The following PPARGC1A variants were observed in gnomAD, a reference collection of about 807,000 sequenced individuals.
PPARGC1A encodes the protein PPARG coactivator 1 alpha, also known as peroxisome proliferator-activated receptor gamma coactivator 1-alpha.
In PPARGC1A, 25 loss-of-function variants were observed where a neutral mutation model predicts 88.7. That is an observed-to-expected ratio of 0.28 (90% CI 0.21 to 0.39). The LOEUF (loss-of-function observed/expected upper bound fraction) is 0.39, where lower values mean the gene tolerates loss of function less well. Among genes scored for constraint, PPARGC1A ranks in the 10% least tolerant of loss-of-function variants. The pLI, the probability that PPARGC1A is intolerant of heterozygous loss-of-function variation, is 1.00. For synonymous variants in PPARGC1A, 363 were observed against 355.6 expected (o/e 1.02, Z -0.24); for missense variants, 880 against 968.7 (o/e 0.91, Z 1.22).
At chr4:23,906,420 C>T (rs78467239), upstream of PPARGC1A, among the ~76,000 whole-genome samples, 699 of 151,752 alleles carry the variant, frequency 4.6e-3, 38 homozygotes, top group East Asian at 0.098. Flanking sequence ...CAAGACCAGC[C>T]GGGCCAACAG....
the PPARGC1A span, among the ~76,000 whole-genome samples, chr4:23,918,406 G>C: frequency 6.6e-6 from 1 of 151,912 alleles, no homozygotes; most frequent in Non-Finnish European, 1.5e-5. Context: ...ATTTTTAGTA[G>C]AGACGGGGTT....
At chr4:24,227,153 C>T in the PPARGC1A span, among the ~76,000 whole-genome samples, 2 of 151,582 alleles carry the variant, frequency 1.3e-5, no homozygotes, top group African/African-American at 4.9e-5. Context: ...GGTGCGATCT[C>T]GGCTCACTGC....
chr4:24,091,415 C>T, the PPARGC1A span: 4 of 979,688 alleles, frequency 4.1e-6, no homozygotes, highest in Non-Finnish European at 3.6e-6. Context: ...GACTTGGAGC[C>T]AAAAGAGTTG....
the PPARGC1A span, among the ~76,000 whole-genome samples, chr4:24,265,780 T>A: frequency 2.7e-4 from 41 of 151,670 alleles, no homozygotes; most frequent in East Asian, 6.8e-3. Context: ...GTTCCTCACG[T>A]GCTTAGAATT....
intron 7 of PPARGC1A, among the ~76,000 whole-genome samples, chr4:23,818,839 C>CT (rs762478316): frequency 0.011 from 528 of 49,034 alleles, 59 homozygotes; most frequent in Middle Eastern, 0.018. Flanking sequence ...CCAATGGCAT[C>CT]TTTTTTTTTT....
the PPARGC1A span, among the ~76,000 whole-genome samples, chr4:24,428,506 C>T: frequency 6.6e-6 from 1 of 152,256 alleles, no homozygotes; most frequent in East Asian, 1.9e-4. Context: ...TTATACCTTA[C>T]TCTACACAGA....
At chr4:23,962,750 T>A in the PPARGC1A span, among the ~76,000 whole-genome samples, 1 of 152,118 alleles carries the variant, frequency 6.6e-6, no homozygotes, top group African/African-American at 2.4e-5. Flanking sequence ...GTAGGGAAGG[T>A]GATAAATGCA....
At chr4:24,429,020 C>T in the PPARGC1A span, among the ~76,000 whole-genome samples, 1 of 152,124 alleles carries the variant, frequency 6.6e-6, no homozygotes, top group East Asian at 1.9e-4. Flanking sequence ...TGACAAAATA[C>T]ATGTGAAATT....
the PPARGC1A span, among the ~76,000 whole-genome samples, chr4:24,457,646 G>C: frequency 1.3e-5 from 2 of 152,088 alleles, no homozygotes; most frequent in Non-Finnish European, 2.9e-5. Context: ...CCAGGTTCAC[G>C]CCATTCTCCT....
chr4:24,079,690 C>G, the PPARGC1A span, among the ~76,000 whole-genome samples: 1 of 151,960 alleles, frequency 6.6e-6, no homozygotes, highest in East Asian at 1.9e-4. Flanking sequence ...TTACCCTACA[C>G]TTTCTCCTCT....
the PPARGC1A span, among the ~76,000 whole-genome samples, chr4:24,375,071 T>C: frequency 1.3e-4 from 20 of 150,400 alleles, no homozygotes; most frequent in Non-Finnish European, 2.2e-4. Flanking sequence ...TTGGGATACG[T>C]GGGGACTTTC....
the PPARGC1A span, among the ~76,000 whole-genome samples, chr4:24,163,542 GC>G: frequency 6.6e-6 from 1 of 152,090 alleles, no homozygotes. Flanking sequence ...AGAAGCAGTT[GC>G]CCCATACTCA....
chr4:24,033,332 T>G, the PPARGC1A span, among the ~76,000 whole-genome samples: 1 of 152,124 alleles, frequency 6.6e-6, no homozygotes, highest in African/African-American at 2.4e-5. Flanking sequence ...GTATAATAGC[T>G]TATATTTATT....
At chr4:24,186,919 T>C in the PPARGC1A span, among the ~76,000 whole-genome samples, 1 of 152,236 alleles carries the variant, frequency 6.6e-6, no homozygotes, top group Non-Finnish European at 1.5e-5. Context: ...TCAGCAGCAG[T>C]TTCCAGATGA....
the PPARGC1A span, among the ~76,000 whole-genome samples, chr4:24,282,653 G>A: frequency 4.7e-4 from 72 of 152,338 alleles, no homozygotes; most frequent in African/African-American, 1.5e-3. Context: ...GCCTAGTGGC[G>A]TTGATGACAT....
the PPARGC1A span, among the ~76,000 whole-genome samples, chr4:24,293,796 T>C: frequency 2.0e-5 from 3 of 151,808 alleles, no homozygotes; most frequent in African/African-American, 4.8e-5. Flanking sequence ...TCAACCTAAA[T>C]TGTTTTCTCA....
At chr4:24,182,109 C>T in the PPARGC1A span, among the ~76,000 whole-genome samples, 2 of 152,008 alleles carry the variant, frequency 1.3e-5, no homozygotes, top group African/African-American at 2.4e-5. Context: ...TTTTAAGTCC[C>T]GCATGCATTA....
chr4:24,427,842 G>T, the PPARGC1A span, among the ~76,000 whole-genome samples: 1 of 152,124 alleles, frequency 6.6e-6, no homozygotes, highest in Admixed American at 6.5e-5. Context: ...CAGGTGCACT[G>T]GCTCACACCT....
chr4:23,804,425 T>C (rs1407322799), intron 10 of PPARGC1A, among the ~76,000 whole-genome samples: 3 of 152,242 alleles, frequency 2.0e-5, no homozygotes, highest in South Asian at 2.1e-4. Flanking sequence ...CAGCTTCTCT[T>C]TCTGGACTAG....
Sources: allele counts gnomAD v4.1 joint callset (sites outside exome capture counted in the v4.1 genomes callset), GRCh38; gene constraint gnomAD v4.1.1; transcripts MANE v1.5; gene names NCBI Gene and HGNC (gene_info 2026-07-23, HGNC 2026-07-21).